MAPK10: variants seen among roughly 807,000 people sequenced by gnomAD.
The protein encoded by MAPK10 is JNK3 alpha protein kinase.
In MAPK10, 25 loss-of-function variants were observed where a neutral mutation model predicts 59.3. The ratio of observed to expected loss-of-function variants is 0.42; its 90% CI spans 0.31 to 0.59. MAPK10 has a LOEUF of 0.59. Ranked by LOEUF, MAPK10 falls within the 20% of genes least tolerant of loss-of-function variation. The probability of loss-of-function intolerance (pLI) is 0.15; values close to 1 mark genes in which losing one functional copy is unlikely to be tolerated. For missense variants in MAPK10, 351 were observed against 568.9 expected (o/e 0.62, Z 3.90); for synonymous variants, 190 against 200.5 (o/e 0.95, Z 0.44).
intron 13 of MAPK10, chr4:86,028,398 G>C (rs893729408): frequency 2.0e-5 from 3 of 152,052 alleles, no homozygotes; most frequent in Admixed American, 1.3e-4. Context: ...GTTATTCGAA[G>C]AGTAGTATCG....
intron 2 of MAPK10, among the ~76,000 whole-genome samples, chr4:86,303,533 G>A (rs955661549): frequency 1.3e-5 from 2 of 152,160 alleles, no homozygotes; most frequent in Non-Finnish European, 2.9e-5. Flanking sequence ...GATAAACACA[G>A]TAGCGAAAGT....
intron 2 of MAPK10, among the ~76,000 whole-genome samples, chr4:86,284,587 G>A (rs963574349): frequency 6.6e-6 from 1 of 152,212 alleles, no homozygotes; most frequent in African/African-American, 2.4e-5. Context: ...TAATACTACC[G>A]GCCTCATAGG....
rs182372713 is a variant in MAPK10, at chr4:86,377,082, T to C, written c.-121-22438A>G. ...AAAGCCCTCAGGCTCATCCAAATTC[T>C]ACAGCAGCCAGTCATTCCCTGTGAG... On this transcript the variant is annotated intron_variant, in intron 1 of 13. Coordinates refer to the MAPK10 transcript ENST00000361569. Among the ~76,000 whole-genome samples, 16 of 152,320 alleles carry C rather than the reference T, an allele frequency of 1.1e-4. No individual in the cohort carries two copies. In the East Asian group the frequency reaches 3.1e-3, roughly 29 times the overall value.
intron 11 of MAPK10, among the ~76,000 whole-genome samples, chr4:86,036,368 T>C (rs2040298339): frequency 6.6e-6 from 1 of 151,954 alleles, no homozygotes; most frequent in Admixed American, 6.6e-5. Context: ...CATAGAACAA[T>C]TGTGACACTA....
chr4:86,481,911 T>C (rs948991949), intron 1 of MAPK10, among the ~76,000 whole-genome samples: 3 of 152,200 alleles, frequency 2.0e-5, no homozygotes, highest in African/African-American at 7.2e-5. Flanking sequence ...TTTTCTTAAC[T>C]GTTTTAAAGT....
intron 1 of MAPK10, among the ~76,000 whole-genome samples, chr4:86,507,645 T>TAC (rs1755870083): frequency 4.5e-5 from 4 of 88,308 alleles, no homozygotes; most frequent in Non-Finnish European, 6.8e-5. Context: ...TATATATATA[T>TAC]ATATATATAT....
intron 4 of MAPK10, among the ~76,000 whole-genome samples, chr4:86,150,945 T>C (rs1417652803): frequency 6.6e-6 from 1 of 152,066 alleles, no homozygotes; most frequent in Non-Finnish European, 1.5e-5. Flanking sequence ...AGAAGTGTGA[T>C]GATGAGGGAA....
At chr4:86,390,339 T>C (rs1742033746) in intron 1 of MAPK10, among the ~76,000 whole-genome samples, 1 of 152,210 alleles carries the variant, frequency 6.6e-6, no homozygotes, top group Non-Finnish European at 1.5e-5. Flanking sequence ...TCCTATGAGA[T>C]GCCAAAATAA....
At chr4:86,422,655 T>C (rs1746681984) in intron 1 of MAPK10, among the ~76,000 whole-genome samples, 1 of 152,200 alleles carries the variant, frequency 6.6e-6, no homozygotes, top group South Asian at 2.1e-4. Context: ...CATAATTATC[T>C]TTAGTGTACT....
intron 11 of MAPK10, among the ~76,000 whole-genome samples, chr4:86,033,654 C>T (rs2039574299): frequency 6.6e-6 from 1 of 152,172 alleles, no homozygotes; most frequent in Non-Finnish European, 1.5e-5. Context: ...ATGCAAAGTG[C>T]TGAGTTCAAG....
chr4:86,362,793 T>A (rs1351848437), upstream of MAPK10, among the ~76,000 whole-genome samples: 1 of 152,130 alleles, frequency 6.6e-6, no homozygotes, highest in Admixed American at 6.6e-5. Flanking sequence ...ACTAACATCA[T>A]CACATATTGA....
chr4:86,557,915 G>A (rs946449061), intron 1 of MAPK10, among the ~76,000 whole-genome samples: 4 of 151,968 alleles, frequency 2.6e-5, no homozygotes, highest in African/African-American at 7.2e-5. Flanking sequence ...CCCTGACTTA[G>A]GTAGAAGTTA....
chr4:86,118,855 C>T (rs2058733119), intron 4 of MAPK10, among the ~76,000 whole-genome samples: 1 of 152,114 alleles, frequency 6.6e-6, no homozygotes, highest in Non-Finnish European at 1.5e-5. Flanking sequence ...GCCTGGCAAA[C>T]CAAATTCTTT....
intron 1 of MAPK10, among the ~76,000 whole-genome samples, chr4:86,379,274 AC>A (rs1272215866): frequency 6.6e-6 from 1 of 152,204 alleles, no homozygotes. Context: ...TCACAACTTT[AC>A]TACCAGCATT....
At chr4:86,345,038 A>G (rs1425933001) in intron 2 of MAPK10, among the ~76,000 whole-genome samples, 1 of 152,240 alleles carries the variant, frequency 6.6e-6, no homozygotes, top group African/African-American at 2.4e-5. Flanking sequence ...TTTAATAATT[A>G]GAAGTGACTT....
rs1750328963 is a variant in MAPK10, at chr4:86,448,585, ATT to A, written c.-122+4443_-122+4444del. On this transcript the variant is annotated intron_variant, in intron 1 of 13. Transcript: ENST00000361569. ...TTTCTTGTTAACTTTATTCCTAGGT[ATT>A]TCATGTTTTATTACTATTATAAAAG... Among the ~76,000 whole-genome samples the A allele has an allele frequency of 8.5e-5, 13 of 152,100 alleles. No homozygotes were observed. The South Asian group carries it at 2.7e-3, about 32-fold the overall frequency.
intron 2 of MAPK10, among the ~76,000 whole-genome samples, chr4:86,243,975 C>T (rs1051121310): frequency 6.6e-6 from 1 of 152,112 alleles, no homozygotes; most frequent in Non-Finnish European, 1.5e-5. Flanking sequence ...ACAAATGGCT[C>T]GAGTTTCATT....
At position 86,015,235 on chromosome 4, in the gene MAPK10, C is replaced by T. The variant is rs1394421943; in HGVS notation, c.*1993G>A. On this transcript the variant is annotated 3_prime_UTR_variant, in exon 14 of 14. Transcript: ENST00000641462. ...TGAATCTGACTGTGTGAAATAATCT[C>T]AGAATGGCAGCACCACTGGCATGGC... 1 of 152,146 alleles carries T rather than the reference C, an allele frequency of 6.6e-6. No homozygotes were observed. The highest frequency in any genetic ancestry group is 1.5e-5 in the Non-Finnish European group (1 of 68,042). 9.4% of individuals were successfully genotyped at this position (152,146 alleles called of 1,614,324 possible). A position where few individuals can be genotyped will look rare whatever the true frequency, so the allele number is the denominator to read the frequency against.
intron 1 of MAPK10, among the ~76,000 whole-genome samples, chr4:86,393,767 C>A (rs1010929220): frequency 6.6e-6 from 1 of 152,144 alleles, no homozygotes; most frequent in African/African-American, 2.4e-5. Context: ...AGTCTCTCCA[C>A]GACACCAGTG....
Sources: allele counts gnomAD v4.1 joint callset (sites outside exome capture counted in the v4.1 genomes callset), GRCh38; gene constraint gnomAD v4.1.1; transcripts MANE v1.5; gene names NCBI Gene and HGNC (gene_info 2026-07-23, HGNC 2026-07-21).